Variants in SCN9A observed in about 807,000 individuals in gnomAD.
SCN9A encodes sodium channel protein type 9 subunit alpha.
In SCN9A, 131 loss-of-function variants were observed where a neutral mutation model predicts 187.0. The observed-to-expected ratio is 0.70, with a 90% CI of 0.61 to 0.81. The LOEUF (loss-of-function observed/expected upper bound fraction) is 0.81, where lower values mean the gene tolerates loss of function less well. Ranked by LOEUF, SCN9A falls within the 30% of genes least tolerant of loss-of-function variation. SCN9A has a pLI of 0.00. For missense variants in SCN9A, 2,252 were observed against 2,396.6 expected (o/e 0.94, Z 1.26); for synonymous variants, 809 against 808.6 (o/e 1.00, Z -0.01).
intron 9 of SCN9A, among the ~76,000 whole-genome samples, chr2:166,289,934 A>C (rs183697371): frequency 1.5e-3 from 227 of 152,266 alleles, no homozygotes; most frequent in African/African-American, 5.2e-3. Context: ...GTTATGGGAT[A>C]CATGTGAAGA....
At chr2:166,287,577 T>C (rs1451514706) in intron 10 of SCN9A, among the ~76,000 whole-genome samples, 1 of 152,124 alleles carries the variant, frequency 6.6e-6, no homozygotes, top group Non-Finnish European at 1.5e-5. Flanking sequence ...CCTCCCCTAA[T>C]ACATTAGACT....
chr2:166,303,331 A>G (rs774799502), intron 6 of SCN9A, 29 bp from the exon 7 acceptor site: 1 of 1,573,736 alleles, frequency 6.4e-7, no homozygotes, highest in East Asian at 2.2e-5. Context: ...AGTGTTTGTA[A>G]TGACATAAAG....
rs1252494958 is a variant in SCN9A at position 166,196,059 on chromosome 2, T to C, written c.*2613A>G. The stretch of plus-strand genomic sequence containing the variant: ...AGACCTGGTCACTTAAAAAAGTTTT[T>C]AGAAAACCTGTTTGCTTCCATTTTA... On this transcript the variant is annotated 3_prime_UTR_variant, in exon 27 of 27. Coordinates refer to ENST00000642356, the MANE Select transcript of SCN9A (RefSeq NM_001365536.1). 6.6e-6 allele frequency: 1 copy of C among 151,988 alleles called. No individual in the cohort carries two copies. The highest frequency in any genetic ancestry group is 2.4e-5 in the African/African-American group (1 of 41,384). 9.4% of individuals were successfully genotyped at this position (151,988 alleles called of 1,614,324 possible).
At chr2:166,307,773 G>C (rs1395294602) in intron 2 of SCN9A, among the ~76,000 whole-genome samples, 1 of 152,220 alleles carries the variant, frequency 6.6e-6, no homozygotes, top group East Asian at 1.9e-4. Context: ...CTTTTCCATA[G>C]CTTTAGTATT....
At chr2:166,273,924 A>G (rs1229422844) in intron 16 of SCN9A, among the ~76,000 whole-genome samples, 1 of 152,190 alleles carries the variant, frequency 6.6e-6, no homozygotes, top group South Asian at 2.1e-4. Context: ...GTGTGTCTCA[A>G]TAAGTCTGAT....
intron 1 of SCN9A, among the ~76,000 whole-genome samples, chr2:166,332,789 T>A (rs916471091): frequency 6.6e-6 from 1 of 151,976 alleles, no homozygotes; most frequent in South Asian, 2.1e-4. Flanking sequence ...TTATTCTTAG[T>A]TTTTAAAAAT....
At chr2:166,349,531 T>C (rs1699982572) in intron 1 of SCN9A, among the ~76,000 whole-genome samples, 4 of 152,288 alleles carry the variant, frequency 2.6e-5, no homozygotes, top group Admixed American at 2.6e-4. Context: ...AATTTAGGAG[T>C]ATTTCAATGG....
At chr2:166,211,074 A>AT (rs1694069374) in intron 24 of SCN9A, among the ~76,000 whole-genome samples, 1 of 151,502 alleles carries the variant, frequency 6.6e-6, no homozygotes, top group Non-Finnish European at 1.5e-5. Flanking sequence ...AAAAAAAAGA[A>AT]AGAAAGTCTC....
chr2:166,226,782 A>T (rs1211228484), intron 23 of SCN9A, 78 bp from the exon 24 acceptor site: 2 of 1,107,468 alleles, frequency 1.8e-6, no homozygotes, highest in African/African-American at 3.2e-5. Flanking sequence ...TGACCAGGTA[A>T]TTCAAACAGT....
rs573459583 is a variant in SCN9A at position 166,243,479 on chromosome 2, A to G, written c.3473-823T>C. Reference sequence around the variant, plus strand: ...GGTTCATTTTGATAGCATGGAAGAAATCAATCTCACCTGGCTTATTTCTTG... The same window carrying G: ...GGTTCATTTTGATAGCATGGAAGAAGTCAATCTCACCTGGCTTATTTCTTG... On this transcript the variant is annotated intron_variant, in intron 18 of 26. Transcript: ENST00000642356. Among the ~76,000 whole-genome samples the G allele has an allele frequency of 5.3e-5, 8 of 152,202 alleles. No homozygotes were observed. In the South Asian group the frequency reaches 1.7e-3, roughly 32 times the overall value.
chr2:166,309,205 T>C (rs1025301147), intron 2 of SCN9A, among the ~76,000 whole-genome samples: 2 of 152,068 alleles, frequency 1.3e-5, no homozygotes, highest in African/African-American at 4.8e-5. Flanking sequence ...TGAGCTAACA[T>C]GAAAAATCAC....
intron 24 of SCN9A, among the ~76,000 whole-genome samples, chr2:166,224,906 T>C (rs1423874021): frequency 6.6e-6 from 1 of 152,186 alleles, no homozygotes; most frequent in Non-Finnish European, 1.5e-5. Flanking sequence ...GAGGATACTA[T>C]GTCTTTTAGA....
intron 1 of SCN9A, among the ~76,000 whole-genome samples, chr2:166,371,621 T>C (rs553615720): frequency 3.9e-5 from 6 of 152,358 alleles, no homozygotes; most frequent in African/African-American, 1.4e-4. Context: ...TAAATCCTCA[T>C]ATAAAATATT....
chr2:166,244,618 CTATTCTCTCTGGAT>C (rs770416391), intron 18 of SCN9A, among the ~76,000 whole-genome samples: 35 of 151,910 alleles, frequency 2.3e-4, no homozygotes, highest in Non-Finnish European at 4.4e-4. Context: ...GGACGGTGGT[CTATTCTCTCTGGAT>C]TATTCTCTCT....
chr2:166,268,715 A>C (rs1696848074), intron 17 of SCN9A, among the ~76,000 whole-genome samples: 1 of 151,970 alleles, frequency 6.6e-6, no homozygotes, highest in African/African-American at 2.4e-5. Context: ...TTAATATCTT[A>C]TCAAACAAAT....
chr2:166,233,606 A>G, intron 20 of SCN9A, 144 bp from the exon 21 acceptor site: 3 of 489,830 alleles, frequency 6.1e-6, no homozygotes, highest in Non-Finnish European at 3.4e-6. Context: ...GCCTAAAAAT[A>G]GGGTAAGATG....
chr2:166,206,315 C>T (rs1693803184), intron 24 of SCN9A, among the ~76,000 whole-genome samples: 1 of 152,062 alleles, frequency 6.6e-6, no homozygotes, highest in Non-Finnish European at 1.5e-5. Flanking sequence ...ATATATACAC[C>T]ATGGAATACT....
Position 166,226,531 on chromosome 2 carries a change from C to T in SCN9A, c.4398+36G>A, listed in dbSNP as rs200195530. On this transcript the variant is annotated intron_variant, in intron 24 of 26. Coordinates refer to ENST00000642356, the MANE Select transcript of SCN9A (RefSeq NM_001365536.1). Reference sequence around the variant, plus strand: ...CTTTTTTGGAAAATAATTGTTCATCCCTTTCATTACAATGAAAAATATTTG... The same window carrying T: ...CTTTTTTGGAAAATAATTGTTCATCTCTTTCATTACAATGAAAAATATTTG... 1.4e-4 allele frequency: 187 copies of T among 1,359,632 alleles called. 1 individual carries two copies. In the Middle Eastern group the frequency reaches 1.4e-3, roughly 10 times the overall value. The allele number at this position is 1,359,632 out of a possible 1,614,324, so 84.2% of individuals were successfully genotyped here.
chr2:166,237,151 T>C (rs1695353906), intron 20 of SCN9A, among the ~76,000 whole-genome samples: 1 of 151,654 alleles, frequency 6.6e-6, no homozygotes, highest in African/African-American at 2.4e-5. Context: ...AGAAAGCCAT[T>C]TTAATTAATA....
Sources: allele counts gnomAD v4.1 joint callset (sites outside exome capture counted in the v4.1 genomes callset), GRCh38; gene constraint gnomAD v4.1.1; transcripts MANE v1.5; gene names NCBI Gene and HGNC (gene_info 2026-07-23, HGNC 2026-07-21).